Variants in NDUFAF7 observed in about 807,000 individuals in gnomAD.
NDUFAF7 encodes NADH:ubiquinone oxidoreductase complex assembly factor 7.
Under a neutral mutation model 47.2 loss-of-function variants are expected in NDUFAF7, and 48 were observed. The ratio of observed to expected loss-of-function variants is 1.02; its 90% confidence interval spans 0.81 to 1.29. The LOEUF (loss-of-function observed/expected upper bound fraction) is 1.29. Among genes scored for constraint, NDUFAF7 ranks in the 50% most tolerant of loss-of-function variants. The probability of loss-of-function intolerance (pLI) is 0.00; values close to 1 mark genes in which losing one functional copy is unlikely to be tolerated. For synonymous variants in NDUFAF7, 217 were observed against 190.0 expected (o/e 1.14, Z -1.17); for missense variants, 635 against 537.6 (o/e 1.18, Z -1.79).
At chr2:37,232,878 TC>T (rs1346555092) in intron 2 of NDUFAF7, among the ~76,000 whole-genome samples, 1 of 152,230 alleles carries the variant, frequency 6.6e-6, no homozygotes, top group Non-Finnish European at 1.5e-5. Context: ...AAGCCTATAG[TC>T]CTTTATTTTA....
At chr2:37,267,237 T>G in the NDUFAF7 span, among the ~76,000 whole-genome samples, 1 of 152,138 alleles carries the variant, frequency 6.6e-6, no homozygotes, top group African/African-American at 2.4e-5. Context: ...AATTTTACTT[T>G]TTTAAAAAAG....
the NDUFAF7 span, among the ~76,000 whole-genome samples, chr2:37,263,773 T>C: frequency 1.3e-5 from 2 of 152,318 alleles, no homozygotes; most frequent in Middle Eastern, 3.4e-3. Context: ...TGAAGAGACA[T>C]GCACCTCTGC....
At chr2:37,257,064 A>C, downstream of NDUFAF7, 1 of 1,006,938 alleles carries the variant, frequency 9.9e-7, no homozygotes, top group Non-Finnish European at 1.4e-6. Flanking sequence ...ATCACAGATA[A>C]GGAAATTGTA....
chr2:37,256,742 T>G (rs1416304907), downstream of NDUFAF7: 1 of 1,608,676 alleles, frequency 6.2e-7, no homozygotes, highest in African/African-American at 1.3e-5. Context: ...ATCTTCATCC[T>G]CATTAAAAGG....
intron 3 of NDUFAF7, among the ~76,000 whole-genome samples, chr2:37,237,487 G>C (rs927013951): frequency 4.6e-5 from 7 of 152,180 alleles, no homozygotes; most frequent in African/African-American, 1.7e-4. Context: ...ATACCTTTCT[G>C]CTAGTGATAT....
downstream of NDUFAF7, among the ~76,000 whole-genome samples, chr2:37,253,708 AT>A (rs1572594762): frequency 6.6e-6 from 1 of 152,210 alleles, no homozygotes; most frequent in East Asian, 1.9e-4. Context: ...GCTTATTAGG[AT>A]AATTTAGTAA....
chr2:37,254,719 G>A (rs78268939), downstream of NDUFAF7, among the ~76,000 whole-genome samples: 764 of 152,260 alleles, frequency 5.0e-3, 8 homozygotes, highest in African/African-American at 0.017. Context: ...GAATGAAACA[G>A]ACTCTCTGAT....
chr2:37,260,951 T>C, the NDUFAF7 span, among the ~76,000 whole-genome samples: 1 of 152,232 alleles, frequency 6.6e-6, no homozygotes, highest in South Asian at 2.1e-4. Flanking sequence ...AATGCCATAC[T>C]ATTTATGCTT....
At chr2:37,251,081 C>T (rs375900409), downstream of NDUFAF7, 1 of 152,378 alleles carries the variant, frequency 6.6e-6, no homozygotes, top group African/African-American at 2.4e-5. Flanking sequence ...ATAGTAAAAC[C>T]ACAGTAGATT....
At chr2:37,260,407 A>G in the NDUFAF7 span, 1 of 1,589,400 alleles carries the variant, frequency 6.3e-7, no homozygotes, top group East Asian at 2.2e-5. Flanking sequence ...TGCAAGATAC[A>G]TGAGCAACTT....
rs989170670 is a variant in NDUFAF7 at position 37,232,146 on chromosome 2, G to A, written c.96G>A (p.Gly32=). 1.2e-6 allele frequency: 2 copies of A among 1,614,248 alleles called. No homozygotes were observed. Among genetic ancestry groups the A allele is most frequent in the Non-Finnish European group, 1.7e-6 (2 of 1,180,050 alleles). The change falls in exon 2 of 10, where the codon GGG becomes GGA. Residue 32 remains glycine, a synonymous_variant. Coordinates refer to ENST00000002125, the MANE Select transcript of NDUFAF7 (RefSeq NM_144736.5). ...FIWRGKYFSS[G]NEPAENPVTP... is the part of the protein sequence containing the mutation. Reference sequence around the variant, plus strand: ...GGAGAGGGAAATACTTCAGCTCCGGGAATGAGCCTGCAGAAAACCCGGTGA... The same window carrying A: ...GGAGAGGGAAATACTTCAGCTCCGGAAATGAGCCTGCAGAAAACCCGGTGA...
intron 4 of NDUFAF7, among the ~76,000 whole-genome samples, chr2:37,238,535 G>A (rs1002488711): frequency 7.9e-5 from 12 of 151,726 alleles, no homozygotes; most frequent in African/African-American, 2.7e-4. Flanking sequence ...AGGATTGCTT[G>A]AGGCCAAGAG....
intron 3 of NDUFAF7, among the ~76,000 whole-genome samples, chr2:37,236,981 A>G (rs1210362483): frequency 1.3e-5 from 2 of 151,830 alleles, no homozygotes; most frequent in Non-Finnish European, 2.9e-5. Flanking sequence ...TTATTTATCT[A>G]TTTTTTGAGC....
chr2:37,249,969 T>C (rs935829957), downstream of NDUFAF7, among the ~76,000 whole-genome samples: 1 of 151,916 alleles, frequency 6.6e-6, no homozygotes, highest in Non-Finnish European at 1.5e-5. Flanking sequence ...GGCCATGTCA[T>C]GTAGCCTTTG....
the NDUFAF7 span, chr2:37,260,444 C>T: frequency 1.4e-6 from 2 of 1,425,946 alleles, no homozygotes; most frequent in East Asian, 4.6e-5. Flanking sequence ...TTACTAATAT[C>T]TAGATGTGCT....
intron 2 of NDUFAF7, 147 bp from the exon 3 acceptor site, chr2:37,235,949 C>G (rs1665708852): frequency 1.4e-6 from 1 of 691,664 alleles, no homozygotes; most frequent in East Asian, 3.0e-5. Context: ...TGAGCCACCA[C>G]ACCTGGCTCC....
rs1182269841 is a variant in NDUFAF7, at chr2:37,248,517, T to C, written c.*167T>C. ...CAACATTATAGAACTTTTAGGGTTG[T>C]GACTGGCTTTGGTGCAAATGTGTGC... On this transcript the variant is annotated 3_prime_UTR_variant, in exon 10 of 10. Transcript: ENST00000002125. The C allele has an allele frequency of 3.4e-5, 24 of 712,512 alleles. No individual in the cohort carries two copies. In the Admixed American group the frequency reaches 5.2e-4, roughly 16 times the overall value. The allele number at this position is 712,512 out of a possible 1,614,324, so 44.1% of individuals were successfully genotyped here. A position where few individuals can be genotyped will look rare whatever the true frequency, so the allele number is the denominator to read the frequency against.
the NDUFAF7 span, among the ~76,000 whole-genome samples, chr2:37,263,582 T>C: frequency 6.6e-6 from 1 of 152,230 alleles, no homozygotes; most frequent in African/African-American, 2.4e-5. Context: ...TGTAGTATGA[T>C]TTTCACTCTT....
downstream of NDUFAF7, chr2:37,252,586 A>C (rs1572589787): frequency 6.6e-6 from 1 of 152,226 alleles, no homozygotes; most frequent in East Asian, 1.9e-4. Context: ...TGATTGACCT[A>C]AAAAAGAAAG....
Sources: allele counts gnomAD v4.1 joint callset (sites outside exome capture counted in the v4.1 genomes callset), GRCh38; gene constraint gnomAD v4.1.1; transcripts MANE v1.5; gene names NCBI Gene and HGNC (gene_info 2026-07-23, HGNC 2026-07-21).